GPC5: variants seen among roughly 807,000 people sequenced by gnomAD.
GPC5 encodes the protein glypican-5.
A neutral mutation model predicts 53.9 loss-of-function variants in GPC5; 47 were observed. The ratio of observed to expected loss-of-function variants is 0.87; its 90% CI spans 0.69 to 1.11. GPC5 has a LOEUF of 1.11. Ranked by LOEUF, GPC5 falls within the 50% of genes most tolerant of loss-of-function variation. GPC5 has a pLI of 0.00. For synonymous variants in GPC5, 286 were observed against 263.3 expected, an observed-to-expected ratio of 1.09 and a Z score of -0.84; for missense variants, 748 against 713.1, an observed-to-expected ratio of 1.05 and a Z score of -0.56.
intron 2 of GPC5, among the ~76,000 whole-genome samples, chr13:91,538,456 A>G (rs1037005899): frequency 1.3e-5 from 2 of 152,172 alleles, no homozygotes; most frequent in Admixed American, 1.3e-4. Flanking sequence ...TTATGATATA[A>G]TGGGGCAAAC....
chr13:92,169,322 G>A (rs768821962), intron 7 of GPC5, among the ~76,000 whole-genome samples: 34 of 152,288 alleles, frequency 2.2e-4, no homozygotes, highest in Non-Finnish European at 4.4e-4. Context: ...TCCTGTACAT[G>A]TATCCTGGAA....
chr13:91,697,019 A>G (rs1398610978), intron 3 of GPC5, among the ~76,000 whole-genome samples: 8 of 152,244 alleles, frequency 5.3e-5, no homozygotes, highest in Non-Finnish European at 1.2e-4. Context: ...ATGAAATACC[A>G]TAATAGTATC....
At position 92,527,108 on chromosome 13, in the gene GPC5, A is replaced by AAAAGAAAGAAAGAAAG. The variant is rs58356455; in HGVS notation, c.1562-339124_1562-339109dup. Among the ~76,000 whole-genome samples, 59 of 39,040 alleles carry AAAAGAAAGAAAGAAAG rather than the reference A, an allele frequency of 1.5e-3. 2 individuals carry two copies. Among genetic ancestry groups the AAAAGAAAGAAAGAAAG allele is most frequent in the African/African-American group, 2.3e-3 (29 of 12,490 alleles). 25.6% of individuals were successfully genotyped at this position (39,040 alleles called of 152,430 possible). ...TGAGATTCTGTAGGAAAAGAAAGAA[A>AAAAGAAAGAAAGAAAG]AAAGAAAGAAAGAAAGAAAGAAAGA... On this transcript the variant is annotated intron_variant, in intron 7 of 7. Transcript: ENST00000377067.
chr13:92,725,316 C>G (rs933236101), intron 7 of GPC5, among the ~76,000 whole-genome samples: 1 of 151,450 alleles, frequency 6.6e-6, no homozygotes, highest in African/African-American at 2.4e-5. Context: ...GAGTACCCTC[C>G]GTTATATATC....
Position 92,294,023 on chromosome 13 carries a change from T to G in GPC5, c.1561+149034T>G, listed in dbSNP as rs1392753554. Among the ~76,000 whole-genome samples the G allele has an allele frequency of 2.6e-5, 4 of 152,226 alleles. No homozygotes were observed. In the East Asian group the frequency reaches 7.7e-4, roughly 29 times the overall value. On this transcript the variant is annotated intron_variant, in intron 7 of 7. Coordinates refer to ENST00000377067, the MANE Select transcript of GPC5 (RefSeq NM_004466.6). ...TGACTTGTGTGTGTTAAACCATTCT[T>G]GCATCCCTGGTATGAAACCTACTTG...
intron 5 of GPC5, among the ~76,000 whole-genome samples, chr13:91,822,313 C>T (rs2038508140): frequency 6.6e-6 from 1 of 152,154 alleles, no homozygotes; most frequent in African/African-American, 2.4e-5. Flanking sequence ...TTTCCATGGA[C>T]ACTCTTTGCT....
At chr13:92,084,773 A>C (rs897808125) in intron 6 of GPC5, among the ~76,000 whole-genome samples, 2 of 152,226 alleles carry the variant, frequency 1.3e-5, no homozygotes, top group African/African-American at 4.8e-5. Context: ...GTACAAGATA[A>C]ATGTTACAAA....
intron 7 of GPC5, among the ~76,000 whole-genome samples, chr13:92,761,170 T>G (rs989882239): frequency 6.6e-6 from 1 of 152,160 alleles, no homozygotes; most frequent in Non-Finnish European, 1.5e-5. Flanking sequence ...CATATTCATT[T>G]TTATAGAGGC....
At chr13:92,124,483 T>A (rs2041678664) in intron 6 of GPC5, among the ~76,000 whole-genome samples, 1 of 152,134 alleles carries the variant, frequency 6.6e-6, no homozygotes, top group Admixed American at 6.5e-5. Context: ...AGGAACATTG[T>A]TAACAGAAGC....
intron 7 of GPC5, among the ~76,000 whole-genome samples, chr13:92,324,005 T>C (rs899478839): frequency 6.6e-6 from 1 of 151,954 alleles, no homozygotes; most frequent in African/African-American, 2.4e-5. Flanking sequence ...TTTGATGTAG[T>C]TTCTGTTTAT....
At chr13:92,349,453 CT>C (rs71120097) in intron 7 of GPC5, among the ~76,000 whole-genome samples, 64,864 of 143,084 alleles carry the variant, frequency 0.45, 15,172 homozygotes, top group African/African-American at 0.62. Context: ...CAGGTTTTTT[CT>C]TTTTTTTTTT....
chr13:91,974,354 G>A (rs2040275986), intron 6 of GPC5, among the ~76,000 whole-genome samples: 1 of 152,100 alleles, frequency 6.6e-6, no homozygotes, highest in Non-Finnish European at 1.5e-5. Flanking sequence ...TGACATGATT[G>A]TATATCTAGA....
chr13:91,859,318 C>T (rs933245252), intron 5 of GPC5, among the ~76,000 whole-genome samples: 6 of 151,734 alleles, frequency 4.0e-5, no homozygotes, highest in African/African-American at 1.5e-4. Context: ...TTTGCTGTAT[C>T]CCATAGGTTT....
At chr13:92,271,707 A>AG (rs1296025432) in intron 7 of GPC5, among the ~76,000 whole-genome samples, 1 of 152,112 alleles carries the variant, frequency 6.6e-6, no homozygotes. Context: ...GAGAAAGGAG[A>AG]GTCAGAAAGA....
chr13:91,611,251 T>C (rs2033539331), intron 2 of GPC5, among the ~76,000 whole-genome samples: 1 of 152,216 alleles, frequency 6.6e-6, no homozygotes, highest in Non-Finnish European at 1.5e-5. Context: ...GCCAAGCAAT[T>C]AGGAAACATC....
intron 6 of GPC5, among the ~76,000 whole-genome samples, chr13:92,087,787 A>G (rs1284692028): frequency 1.3e-4 from 20 of 152,168 alleles, no homozygotes; most frequent in Admixed American, 4.6e-4. Flanking sequence ...ACCTGTAAAC[A>G]TGACTGAGGC....
At chr13:91,625,274 G>A (rs573156708) in intron 2 of GPC5, among the ~76,000 whole-genome samples, 2 of 151,790 alleles carry the variant, frequency 1.3e-5, no homozygotes, top group East Asian at 3.9e-4. Flanking sequence ...TATATGCATA[G>A]CACAGGAGTT....
At chr13:92,468,326 A>T (rs2139418706) in intron 7 of GPC5, among the ~76,000 whole-genome samples, 2 of 152,246 alleles carry the variant, frequency 1.3e-5, no homozygotes, top group South Asian at 4.1e-4. Context: ...GCAGGAAGTG[A>T]AGTGGGAATA....
rs540666585 is a variant in GPC5, at chr13:92,427,030, T to G, written c.1561+282041T>G. 3.9e-5 allele frequency among the ~76,000 whole-genome samples: 6 copies of G among 152,032 alleles called. No individual in the cohort carries two copies. In the South Asian group the frequency reaches 1.2e-3, roughly 32 times the overall value. On this transcript the variant is annotated intron_variant, in intron 7 of 7. Coordinates refer to ENST00000377067, the MANE Select transcript of GPC5 (RefSeq NM_004466.6). ...GGCTCACTCATTTCCTGGCTGCCTA[T>G]TTTAGTTAAGAACATCTTGCTGTAA...
Sources: allele counts gnomAD v4.1 joint callset (sites outside exome capture counted in the v4.1 genomes callset), GRCh38; gene constraint gnomAD v4.1.1; transcripts MANE v1.5; gene names NCBI Gene and HGNC (gene_info 2026-07-23, HGNC 2026-07-21).